The following PTPRD variants were observed in gnomAD, a reference collection of about 807,000 sequenced individuals.
PTPRD encodes the protein receptor-type tyrosine-protein phosphatase delta.
Under a neutral mutation model 214.5 loss-of-function variants are expected in PTPRD, and 34 were observed. The observed-to-expected ratio is 0.16, with a 90% CI of 0.12 to 0.21. PTPRD has a LOEUF of 0.21. Among genes scored for constraint, PTPRD ranks in the 10% least tolerant of loss-of-function variants. The pLI, the probability that PTPRD is intolerant of heterozygous loss-of-function variation, is 1.00. For missense variants in PTPRD, 2,545 were observed against 2,398.7 expected (o/e 1.06, Z -1.27); for synonymous variants, 1,128 against 845.7 (o/e 1.33, Z -5.79).
intron 7 of PTPRD, among the ~76,000 whole-genome samples, chr9:9,682,330 T>A (rs1277924049): frequency 1.3e-5 from 2 of 151,810 alleles, no homozygotes; most frequent in South Asian, 4.1e-4. Context: ...AGATACACTA[T>A]ATTTTTTATT....
In PTPRD at chr9:8,319,925, A is replaced by G. The variant is rs2130715059; in HGVS notation, c.5576T>C (p.Ile1859Thr). 6.2e-7 allele frequency: 1 copy of G among 1,613,052 alleles called. No individual in the cohort carries two copies. Among genetic ancestry groups the G allele is most frequent in the Non-Finnish European group, 8.5e-7 (1 of 1,179,450 alleles). ...GRTGVFITLS[I>T]VLERMRYEGV... Reference sequence around the variant, plus strand: ...TTCATATCTCATTCTTTCCAAAACAATGCTTAGCGTTATGAAGACTCCAGT... The same window carrying G: ...TTCATATCTCATTCTTTCCAAAACAGTGCTTAGCGTTATGAAGACTCCAGT... Residue 1859 changes from isoleucine to threonine, a missense_variant, in exon 45 of 46, where the codon ATT becomes ACT. Transcript: ENST00000381196.
intron 7 of PTPRD, among the ~76,000 whole-genome samples, chr9:9,690,170 G>T (rs1465858423): frequency 6.6e-6 from 1 of 151,696 alleles, no homozygotes; most frequent in Non-Finnish European, 1.5e-5. Context: ...CCTGTCTTTG[G>T]ATATAAGCCA....
chr9:8,479,829 G>GT (rs1314869042), intron 30 of PTPRD, among the ~76,000 whole-genome samples: 1 of 152,130 alleles, frequency 6.6e-6, no homozygotes, highest in East Asian at 1.9e-4. Context: ...AGACATGCAT[G>GT]TTTTTTTAAT....
At chr9:8,942,768 G>A (rs1001183665) in intron 11 of PTPRD, among the ~76,000 whole-genome samples, 9 of 151,468 alleles carry the variant, frequency 5.9e-5, no homozygotes, top group Non-Finnish European at 8.8e-5. Flanking sequence ...TTGAATTCTG[G>A]GCTTCAGCTT....
chr9:8,550,420 G>C (rs945688895), intron 14 of PTPRD, among the ~76,000 whole-genome samples: 5 of 152,090 alleles, frequency 3.3e-5, no homozygotes, highest in African/African-American at 1.2e-4. Flanking sequence ...TAGATTGTAT[G>C]AGATTAACAG....
chr9:8,518,278 A>G lies in PTPRD; in HGVS notation c.1113T>C (p.Asp371=). The G allele has an allele frequency of 6.2e-7, 1 of 1,614,098 alleles. No individual in the cohort carries two copies. The highest frequency in any genetic ancestry group is 1.7e-5 in the Admixed American group (1 of 60,010). Residue 371 remains aspartate (D), a synonymous_variant, in exon 21 of 46, where the codon GAT becomes GAC. Transcript: ENST00000381196. ...KNSEELYKEI[D]GVATTRYSVA... is the part of the protein sequence containing the mutation. ...CACTGTAGCGTGTGGTCGCCACCCC[A>G]TCAATTTCTTTGTAAAGTTCCTCAG...
rs1355957409 is a variant in PTPRD, at chr9:10,315,816, C to T, written c.-545+25147G>A. Among the ~76,000 whole-genome samples the T allele has an allele frequency of 2.0e-5, 3 of 151,772 alleles. No homozygotes were observed. The East Asian group carries it at 5.8e-4, about 30-fold the overall frequency. On this transcript the variant is annotated intron_variant, in intron 3 of 45. Transcript: ENST00000381196. ...AATTTTGCACTCAAGCTGGTTGATC[C>T]CCAGAGAGTGGCTCATTTGTTAGTT... is the stretch of plus-strand genomic sequence containing the variant.
At position 9,320,401 on chromosome 9, in the gene PTPRD, T is replaced by G. The variant is rs557166415; in HGVS notation, c.-203+77048A>C. Among the ~76,000 whole-genome samples the G allele has an allele frequency of 2.3e-4, 35 of 152,318 alleles. 1 individual carries two copies. The South Asian group carries it at 6.6e-3, about 29-fold the overall frequency. ...AAACTTATACACAAAAAGTTAAGCC[T>G]ATTCCTGAAAATCCTCATTTTAGAA... On this transcript the variant is annotated intron_variant, in intron 9 of 45. Coordinates refer to ENST00000381196, the MANE Select transcript of PTPRD (RefSeq NM_002839.4).
chr9:8,997,704 G>T (rs909450744), intron 11 of PTPRD, among the ~76,000 whole-genome samples: 11 of 152,070 alleles, frequency 7.2e-5, no homozygotes, highest in African/African-American at 2.7e-4. Flanking sequence ...TCAAAAGCTA[G>T]AAATGATTAG....
intron 34 of PTPRD, among the ~76,000 whole-genome samples, chr9:8,439,322 T>C (rs1721381202): frequency 6.6e-6 from 1 of 152,170 alleles, no homozygotes; most frequent in Non-Finnish European, 1.5e-5. Context: ...ACTAGATAAA[T>C]TCAAGAGCCA....
chr9:8,329,019 G>T (rs998712881), intron 44 of PTPRD, among the ~76,000 whole-genome samples: 1 of 152,082 alleles, frequency 6.6e-6, no homozygotes, highest in East Asian at 1.9e-4. Context: ...ACGTTCTGAA[G>T]CTGACATCTG....
intron 2 of PTPRD, among the ~76,000 whole-genome samples, chr9:10,558,379 AT>A (rs1416186320): frequency 1.3e-5 from 2 of 152,242 alleles, no homozygotes; most frequent in East Asian, 3.9e-4. Context: ...GGTAAAAGTA[AT>A]TTGACTTTAA....
intron 3 of PTPRD, among the ~76,000 whole-genome samples, chr9:10,332,801 A>G (rs2096775522): frequency 6.6e-6 from 1 of 151,820 alleles, no homozygotes; most frequent in African/African-American, 2.4e-5. Flanking sequence ...CCACTGTGTC[A>G]TGAGCCTCTC....
At chr9:10,376,991 G>C (rs1386391709) in intron 2 of PTPRD, among the ~76,000 whole-genome samples, 1 of 151,796 alleles carries the variant, frequency 6.6e-6, no homozygotes, top group Non-Finnish European at 1.5e-5. Context: ...CAAATACTAG[G>C]TCTTATTCAT....
intron 3 of PTPRD, among the ~76,000 whole-genome samples, chr9:10,050,082 T>C (rs1207440822): frequency 6.6e-6 from 1 of 152,072 alleles, no homozygotes; most frequent in East Asian, 1.9e-4. Flanking sequence ...AATAATAGGT[T>C]CAAAATAAAT....
chr9:9,069,663 T>C (rs2099740898), intron 10 of PTPRD, among the ~76,000 whole-genome samples: 1 of 152,236 alleles, frequency 6.6e-6, no homozygotes, highest in East Asian at 1.9e-4. Context: ...GTGACCAGTG[T>C]CGTGCCTGAC....
chr9:9,410,185 C>T (rs1163034458), intron 8 of PTPRD, among the ~76,000 whole-genome samples: 1 of 152,082 alleles, frequency 6.6e-6, no homozygotes, highest in Non-Finnish European at 1.5e-5. Flanking sequence ...GTTACTGGCA[C>T]AAATCAATAC....
intron 2 of PTPRD, among the ~76,000 whole-genome samples, chr9:10,595,144 G>T (rs2076322561): frequency 6.6e-6 from 1 of 151,782 alleles, no homozygotes; most frequent in African/African-American, 2.4e-5. Context: ...GTGAAAATGA[G>T]GCTTAGGTCA....
chr9:9,245,883 A>C (rs1054742998), intron 9 of PTPRD, among the ~76,000 whole-genome samples: 1 of 152,076 alleles, frequency 6.6e-6, no homozygotes, highest in Non-Finnish European at 1.5e-5. Context: ...ATTATAGGTG[A>C]AATGTGACAT....
Sources: allele counts gnomAD v4.1 joint callset (sites outside exome capture counted in the v4.1 genomes callset), GRCh38; gene constraint gnomAD v4.1.1; transcripts MANE v1.5; gene names NCBI Gene and HGNC (gene_info 2026-07-23, HGNC 2026-07-21).